The following BLK variants were observed in gnomAD, a reference collection of about 807,000 sequenced individuals.
The protein encoded by BLK is BLK proto-oncogene, Src family tyrosine kinase, also known as tyrosine-protein kinase Blk.
Under a neutral mutation model 61.8 loss-of-function variants are expected in BLK, and 64 were observed. That is an observed-to-expected ratio of 1.03 (90% CI 0.85 to 1.27). The LOEUF (loss-of-function observed/expected upper bound fraction) is 1.27. BLK is among the 50% of genes most tolerant of loss of function. The pLI, the probability that BLK is intolerant of heterozygous loss-of-function variation, is 0.00. For missense variants in BLK, 853 were observed against 660.5 expected, an observed-to-expected ratio of 1.29 and a Z score of -3.19; for synonymous variants, 351 against 272.0, an observed-to-expected ratio of 1.29 and a Z score of -2.86.
chr8:11,561,665 G>T (rs1464881260), intron 11 of BLK, among the ~76,000 whole-genome samples: 1 of 152,122 alleles, frequency 6.6e-6, no homozygotes, highest in Non-Finnish European at 1.5e-5. Context: ...ACAGCTTTAG[G>T]ATAAGGTAGG....
intron 9 of BLK, 21 bp downstream of exon 9, chr8:11,556,858 G>T: frequency 1.2e-6 from 2 of 1,611,592 alleles, no homozygotes; most frequent in Non-Finnish European, 1.7e-6. Context: ...CCGCAGAGCC[G>T]CATCCTCAGA....
At chr8:11,559,232 C>T (rs922653260) in intron 10 of BLK, among the ~76,000 whole-genome samples, 2 of 152,120 alleles carry the variant, frequency 1.3e-5, no homozygotes, top group Admixed American at 6.5e-5. Flanking sequence ...CAGAACTTCC[C>T]AGAAGGGCAG....
At chr8:11,541,225 G>C (rs937559680) in intron 1 of BLK, among the ~76,000 whole-genome samples, 1 of 152,154 alleles carries the variant, frequency 6.6e-6, no homozygotes, top group African/African-American at 2.4e-5. Flanking sequence ...CCAAGATTAG[G>C]TCGTGGGACT....
At chr8:11,538,168 A>G (rs1039879281) in intron 1 of BLK, among the ~76,000 whole-genome samples, 1 of 152,224 alleles carries the variant, frequency 6.6e-6, no homozygotes, top group Admixed American at 6.5e-5. Context: ...ACAAGTGCAC[A>G]TAAGTGTGTA....
chr8:11,541,230 G>C (rs1800364040), intron 1 of BLK, among the ~76,000 whole-genome samples: 1 of 152,144 alleles, frequency 6.6e-6, no homozygotes. Flanking sequence ...ATTAGGTCGT[G>C]GGACTCCAGC....
At chr8:11,506,722 G>T (rs1054269032) in intron 1 of BLK, among the ~76,000 whole-genome samples, 1 of 152,134 alleles carries the variant, frequency 6.6e-6, no homozygotes, top group Non-Finnish European at 1.5e-5. Context: ...AGTCCATGCA[G>T]GGGGCTGCTA....
At chr8:11,528,735 T>C (rs1462981072) in intron 1 of BLK, among the ~76,000 whole-genome samples, 2 of 152,126 alleles carry the variant, frequency 1.3e-5, no homozygotes, top group Non-Finnish European at 1.5e-5. Context: ...TATCCACAGA[T>C]TTAGTACAGC....
intron 1 of BLK, among the ~76,000 whole-genome samples, chr8:11,522,852 A>C (rs1799509426): frequency 6.6e-6 from 1 of 152,242 alleles, no homozygotes; most frequent in Non-Finnish European, 1.5e-5. Context: ...TACATGTCGT[A>C]AATGTCCAAA....
chr8:11,525,694 C>T (rs1173687622), intron 1 of BLK, among the ~76,000 whole-genome samples: 1 of 152,158 alleles, frequency 6.6e-6, no homozygotes, highest in Non-Finnish European at 1.5e-5. Flanking sequence ...CCTTCCCTGC[C>T]ACCACTCATG....
At chr8:11,528,314 G>A (rs1799753389) in intron 1 of BLK, among the ~76,000 whole-genome samples, 1 of 152,136 alleles carries the variant, frequency 6.6e-6, no homozygotes, top group Non-Finnish European at 1.5e-5. Flanking sequence ...GGAATTACAG[G>A]CATGAGCCAC....
intron 1 of BLK, among the ~76,000 whole-genome samples, chr8:11,497,089 C>T (rs28443174): frequency 0.013 from 1,930 of 152,080 alleles, 13 homozygotes; most frequent in Middle Eastern, 0.061. Flanking sequence ...GGTGATGCTG[C>T]GCCTGATTAG....
chr8:11,557,908 C>T, intron 9 of BLK, 54 bp from the exon 10 acceptor site: 2 of 1,554,824 alleles, frequency 1.3e-6, no homozygotes, highest in East Asian at 2.2e-5. Context: ...GAGGCTGGCA[C>T]CACCAGGGGC....
intron 1 of BLK, 23 bp from the exon 2 acceptor site, chr8:11,543,201 T>C (rs748339859): frequency 2.5e-5 from 41 of 1,613,410 alleles, no homozygotes; most frequent in Non-Finnish European, 3.5e-5. Flanking sequence ...TCATGTCCTC[T>C]GTCTGCTGTG....
At chr8:11,527,567 G>T (rs1799707722) in intron 1 of BLK, among the ~76,000 whole-genome samples, 1 of 151,804 alleles carries the variant, frequency 6.6e-6, no homozygotes, top group South Asian at 2.1e-4. Context: ...CTCCCCAAAG[G>T]TGTGAAGGTC....
chr8:11,555,562 C>T (rs1455683849), intron 8 of BLK, 78 bp downstream of exon 8: 3 of 1,591,528 alleles, frequency 1.9e-6, no homozygotes, highest in Admixed American at 1.7e-5. Flanking sequence ...TCAGCATTTT[C>T]ATAGCGTGTC....
intron 1 of BLK, among the ~76,000 whole-genome samples, chr8:11,536,544 G>C (rs1800141107): frequency 6.6e-6 from 1 of 151,960 alleles, no homozygotes; most frequent in African/African-American, 2.4e-5. Flanking sequence ...GCATGCGCCT[G>C]GCTAATTTTT....
chr8:11,535,261 GAAGAAAGAAAGAAAGA>G (rs5889374), intron 1 of BLK, among the ~76,000 whole-genome samples: 1,190 of 110,524 alleles, frequency 0.011, 11 homozygotes, highest in South Asian at 0.018. Context: ...AAGAAAGAAA[GAAGAAAGAAAGAAAGA>G]AAGAAAGAAA....
chr8:11,527,772 G>A (rs758305493), intron 1 of BLK, among the ~76,000 whole-genome samples: 3 of 148,958 alleles, frequency 2.0e-5, no homozygotes, highest in African/African-American at 7.6e-5. Flanking sequence ...ACAAGTCTGG[G>A]TGTAAAAAAA....
Position 11,564,191 on chromosome 8 carries a change from CG to C in BLK, c.*87del. 2 of 1,468,382 alleles carry C rather than the reference CG, an allele frequency of 1.4e-6. No homozygotes were observed. Among genetic ancestry groups the C allele is most frequent in the Non-Finnish European group, 1.8e-6 (2 of 1,087,930 alleles). The allele number at this position is 1,468,382 out of a possible 1,614,324, so 91.0% of individuals were successfully genotyped here. A position where few individuals can be genotyped will look rare whatever the true frequency, so the allele number is the denominator to read the frequency against. On this transcript the variant is annotated 3_prime_UTR_variant, in exon 13 of 13. Coordinates refer to ENST00000259089, the MANE Select transcript of BLK (RefSeq NM_001715.3). Reference sequence around the variant, plus strand: ...TGCCATCCCAGACGGGCCGCGAAGGCGGGGTGTCGCCTGTGCCCTTTTCTCA... The same window carrying C: ...TGCCATCCCAGACGGGCCGCGAAGGCGGGTGTCGCCTGTGCCCTTTTCTCA...
Sources: gnomAD v4.1 joint callset for allele counts (sites outside exome capture counted in the v4.1 genomes callset) on GRCh38, gnomAD v4.1.1 for gene constraint, MANE v1.5 for transcripts, NCBI Gene and HGNC (gene_info 2026-07-23, HGNC 2026-07-21) for gene names.